FAM174B: variants seen among roughly 807,000 people sequenced by gnomAD.
FAM174B encodes membrane protein FAM174B.
Under a neutral mutation model 10.9 loss-of-function variants are expected in FAM174B, and 12 were observed. The ratio of observed to expected loss-of-function variants is 1.10; its 90% CI spans 0.71 to 1.79. The LOEUF (loss-of-function observed/expected upper bound fraction) is 1.79, where lower values mean the gene tolerates loss of function less well. FAM174B is among the 40% of genes most tolerant of loss of function. The pLI is 0.00. For missense variants in FAM174B, 266 were observed against 233.3 expected (o/e 1.14, Z -0.91); for synonymous variants, 132 against 115.8 (o/e 1.14, Z -0.90).
chr15:92,641,487 T>C (rs1249283458), intron 1 of FAM174B, among the ~76,000 whole-genome samples: 1 of 152,206 alleles, frequency 6.6e-6, no homozygotes. Context: ...TATAAATGAA[T>C]GAAGAGCTTT....
chr15:92,651,015 A>T (rs2050963074), intron 1 of FAM174B, among the ~76,000 whole-genome samples: 1 of 152,258 alleles, frequency 6.6e-6, no homozygotes, highest in Non-Finnish European at 1.5e-5. Flanking sequence ...ACGTGATTCT[A>T]CAGATGGGGA....
chr15:92,655,302 G>T lies in FAM174B; in HGVS notation c.344+14C>A, dbSNP rs1345827968. The T allele has an allele frequency of 3.2e-6, 5 of 1,543,360 alleles. No individual in the cohort carries two copies. Among genetic ancestry groups the T allele is most frequent in the Non-Finnish European group, 4.4e-6 (5 of 1,143,874 alleles). ...GTCGGCCGGCGGGGGAAGGAAGAGG[G>T]CGGGAGGGCCCACCTGAAGACGCGC... On this transcript the variant is annotated intron_variant, in intron 1 of 2. Coordinates refer to ENST00000327355, the MANE Select transcript of FAM174B (RefSeq NM_207446.3).
Position 92,630,250 on chromosome 15 carries a change from T to G in FAM174B, c.440A>C (p.Glu147Ala). 6.2e-7 allele frequency: 1 copy of G among 1,613,792 alleles called. No individual in the cohort carries two copies. The highest frequency in any genetic ancestry group is 8.5e-7 in the Non-Finnish European group (1 of 1,179,774). Residue 147 changes from glutamate to alanine, a missense_variant, in exon 2 of 3, where the codon GAA (glutamate) becomes GCA (alanine). Glu to Ala is a moderately radical substitution (Grantham distance 107). Coordinates refer to ENST00000327355, the MANE Select transcript of FAM174B (RefSeq NM_207446.3). ...GTCGAATACTGTGGAGTCCTCATCT[T>G]CATCATCCTCTTCATTTAGTGGCGC... ...EMAPLNEEDDEDEDSTVFDIK... is the reference protein window; with the variant it reads ...EMAPLNEEDDADEDSTVFDIK...
At chr15:92,623,335 C>T (rs939324829) in intron 2 of FAM174B, among the ~76,000 whole-genome samples, 1 of 152,128 alleles carries the variant, frequency 6.6e-6, no homozygotes, top group Non-Finnish European at 1.5e-5. Flanking sequence ...TCTCGGCCCC[C>T]TTCTCATCCC....
chr15:92,625,640 C>T (rs1679449121), intron 2 of FAM174B, among the ~76,000 whole-genome samples: 2 of 152,320 alleles, frequency 1.3e-5, no homozygotes, highest in Middle Eastern at 3.4e-3. Context: ...CGTGCCAAAA[C>T]AGCATGTATA....
rs1014789686 is a variant in FAM174B at position 92,655,763 on chromosome 15, C to A, written c.-104G>T. ...CCGGGGGATCCTGCGGCGGAGGCGGCTGCGCGGTGCTTGGCAGGAAGCTGC... is the reference window on the plus strand; with the variant it reads ...CCGGGGGATCCTGCGGCGGAGGCGGATGCGCGGTGCTTGGCAGGAAGCTGC... On this transcript the variant is annotated 5_prime_UTR_variant, in exon 1 of 3. Transcript: ENST00000327355. 9.7e-7 allele frequency: 1 copy of A among 1,026,200 alleles called. No homozygotes were observed. Among genetic ancestry groups the A allele is most frequent in the African/African-American group, 1.7e-5 (1 of 59,170 alleles). The allele number at this position is 1,026,200 out of a possible 1,614,324, so 63.6% of individuals were successfully genotyped here.
rs970622900 is a variant in FAM174B at position 92,617,557 on chromosome 15, C to T, written c.*1899G>A. 5.6e-6 allele frequency: 3 copies of T among 532,014 alleles called. No individual in the cohort carries two copies. In the African/African-American group the frequency reaches 6.0e-5, roughly 11 times the overall value. The allele number at this position is 532,014 out of a possible 1,614,324, so 33.0% of individuals were successfully genotyped here. The stretch of plus-strand genomic sequence containing the variant: ...TTTCTGCCAGGACCAGTGGCAAGCA[C>T]CTGGCAGATGGAGCCCGGGTGTTTC... On this transcript the variant is annotated 3_prime_UTR_variant, in exon 3 of 3. Transcript: ENST00000327355.
intron 2 of FAM174B, among the ~76,000 whole-genome samples, chr15:92,622,715 TC>T (rs34768441): frequency 6.6e-6 from 1 of 152,232 alleles, no homozygotes; most frequent in Non-Finnish European, 1.5e-5. Flanking sequence ...CCCTCACTGC[TC>T]CCTGCATGTT....
Position 92,621,336 on chromosome 15 carries a change from G to A in FAM174B, c.477-1877C>T, listed in dbSNP as rs564580163. On this transcript the variant is annotated intron_variant, in intron 2 of 2. Coordinates refer to ENST00000327355, the MANE Select transcript of FAM174B (RefSeq NM_207446.3). Reference sequence around the variant, plus strand: ...TGTTTAAAGAGAAAACATAAGCCAGGCACAGTGGGTCGCGCCCGTAATCCC... The same window carrying A: ...TGTTTAAAGAGAAAACATAAGCCAGACACAGTGGGTCGCGCCCGTAATCCC... Among the ~76,000 whole-genome samples the A allele has an allele frequency of 6.8e-4, 104 of 152,200 alleles. No homozygotes were observed. In the Middle Eastern group the frequency reaches 0.014, roughly 20 times the overall value.
In FAM174B at chr15:92,655,277, G is replaced by A. The variant is rs200954392; in HGVS notation, c.344+39C>T. 2.8e-5 allele frequency: 42 copies of A among 1,499,192 alleles called. No homozygotes were observed. In the African/African-American group the frequency reaches 5.6e-4, roughly 20 times the overall value. 92.9% of individuals were successfully genotyped at this position (1,499,192 alleles called of 1,614,324 possible). ...GACAGCAGGTTGGCGATGCCGCCCT[G>A]TCGGCCGGCGGGGGAAGGAAGAGGG... On this transcript the variant is annotated intron_variant, in intron 1 of 2. Coordinates refer to ENST00000327355, the MANE Select transcript of FAM174B (RefSeq NM_207446.3).
intron 1 of FAM174B, among the ~76,000 whole-genome samples, chr15:92,654,800 AAG>A (rs1555422603): frequency 0.061 from 5,269 of 86,650 alleles, 105 homozygotes; most frequent in Non-Finnish European, 0.083. Context: ...AAAAAAAAAA[AAG>A]AAGAAGAAGA....
At chr15:92,620,730 A>C (rs540226495) in intron 2 of FAM174B, among the ~76,000 whole-genome samples, 75 of 142,608 alleles carry the variant, frequency 5.3e-4, no homozygotes, top group African/African-American at 1.7e-3. Flanking sequence ...CATGAGACTC[A>C]CTTGAACCTG....
intron 1 of FAM174B, among the ~76,000 whole-genome samples, 185 bp from the exon 2 acceptor site, chr15:92,630,530 G>A (rs1471379036): frequency 6.6e-6 from 1 of 151,898 alleles, no homozygotes; most frequent in Non-Finnish European, 1.5e-5. Context: ...TGGCTGCTGA[G>A]ACTGCTCCCA....
chr15:92,619,866 A>G (rs1340586458), intron 2 of FAM174B: 1 of 220,242 alleles, frequency 4.5e-6, no homozygotes, highest in Admixed American at 5.1e-5. Flanking sequence ...GGGGTGGAAC[A>G]GCAGCCACAG....
At chr15:92,652,655 A>G (rs938622214) in intron 1 of FAM174B, among the ~76,000 whole-genome samples, 4 of 152,278 alleles carry the variant, frequency 2.6e-5, no homozygotes, top group East Asian at 1.9e-4. Context: ...AGCTTAACAG[A>G]TATTATTGCA....
chr15:92,626,782 A>G (rs962533800), intron 2 of FAM174B, among the ~76,000 whole-genome samples: 2 of 152,004 alleles, frequency 1.3e-5, no homozygotes, highest in Admixed American at 6.6e-5. Context: ...GCCGGGCGCC[A>G]TGGCTCACAC....
At chr15:92,632,646 A>G (rs2050826865) in intron 1 of FAM174B, among the ~76,000 whole-genome samples, 1 of 151,004 alleles carries the variant, frequency 6.6e-6, no homozygotes, top group Non-Finnish European at 1.5e-5. Flanking sequence ...AGAAGCTGGG[A>G]CTACAGGTGC....
chr15:92,622,445 C>T (rs1164092637), intron 2 of FAM174B, among the ~76,000 whole-genome samples: 1 of 152,224 alleles, frequency 6.6e-6, no homozygotes, highest in Non-Finnish European at 1.5e-5. Flanking sequence ...TTCAGGCTCT[C>T]TGGGGTGACT....
In FAM174B at chr15:92,655,326, G is replaced by C; in HGVS notation, c.334C>G (p.Arg112Gly). 6.4e-7 allele frequency: 1 copy of C among 1,559,146 alleles called. No individual in the cohort carries two copies. Among genetic ancestry groups the C allele is most frequent in the Admixed American group, 1.8e-5 (1 of 54,920 alleles). The change falls in exon 1 of 3, where the codon CGC becomes GGC. Residue 112 changes from arginine (R) to glycine (G), a missense_variant. By Grantham distance (125) the Arg-to-Gly change is moderately radical (BLOSUM62 -2). Coordinates refer to ENST00000327355, the MANE Select transcript of FAM174B (RefSeq NM_207446.3). ...TTLLIACLLL[R>G]VFRSGKRLKK... ...GGCGGGAGGGCCCACCTGAAGACGCGCAGCAGCAGGCAGGCGATGAGGAGG... is the reference window on the plus strand; with the variant it reads ...GGCGGGAGGGCCCACCTGAAGACGCCCAGCAGCAGGCAGGCGATGAGGAGG...
Sources: allele counts gnomAD v4.1 joint callset (sites outside exome capture counted in the v4.1 genomes callset), GRCh38; gene constraint gnomAD v4.1.1; transcripts MANE v1.5; gene names NCBI Gene and HGNC (gene_info 2026-07-23, HGNC 2026-07-21).